ACSL4: variants seen among roughly 807,000 people sequenced by gnomAD.
ACSL4 encodes the protein acyl-CoA synthetase long chain family member 4.
Under a neutral mutation model 49.1 loss-of-function variants are expected in ACSL4, and 9 were observed. The ratio of observed to expected loss-of-function variants is 0.18; its 90% CI spans 0.11 to 0.32. The LOEUF is 0.32. ACSL4 is among the 10% of genes least tolerant of loss of function. The pLI, the probability that ACSL4 is intolerant of heterozygous loss-of-function variation, is 1.00. For missense variants in ACSL4, 333 were observed against 493.7 expected (o/e 0.67, Z 3.08); for synonymous variants, 191 against 170.3 (o/e 1.12, Z -0.95).
At chrX:109,718,785 C>A (rs1210553490) in intron 1 of ACSL4, among the ~76,000 whole-genome samples, 1 of 109,930 alleles carries the variant, frequency 9.1e-6, no homozygotes, top group Non-Finnish European at 1.9e-5. Flanking sequence ...GAAAAGAAAT[C>A]CCATAGTCTA....
intron 6 of ACSL4, among the ~76,000 whole-genome samples, chrX:109,680,284 A>G (rs1569427947): frequency 1.8e-5 from 2 of 111,847 alleles, no homozygotes; most frequent in South Asian, 7.6e-4. Context: ...CACATGGCAG[A>G]TGTGTATAAT....
chrX:109,665,912 T>C (rs1922594345), intron 11 of ACSL4, among the ~76,000 whole-genome samples: 1 of 112,012 alleles, frequency 8.9e-6, no homozygotes, highest in Non-Finnish European at 1.9e-5. Context: ...TACAGGGATA[T>C]GCTGTGAGGA....
At chrX:109,680,180 A>C (rs1924052130) in intron 6 of ACSL4, among the ~76,000 whole-genome samples, 2 of 111,470 alleles carry the variant, frequency 1.8e-5, no homozygotes, top group Admixed American at 1.9e-4. Context: ...ACTGTCCCTC[A>C]TCTCAGACCC....
At chrX:109,653,722 G>T (rs1262148992) in intron 15 of ACSL4, among the ~76,000 whole-genome samples, 2 of 109,072 alleles carry the variant, frequency 1.8e-5, no homozygotes, top group Non-Finnish European at 3.8e-5. Flanking sequence ...ACCAAACACC[G>T]CATGTTCTCA....
chrX:109,702,871 A>C (rs1926075942), intron 1 of ACSL4, among the ~76,000 whole-genome samples: 1 of 111,487 alleles, frequency 9.0e-6, no homozygotes, highest in Non-Finnish European at 1.9e-5. Context: ...TACTAATATA[A>C]ATGAACAATC....
intron 1 of ACSL4, among the ~76,000 whole-genome samples, chrX:109,730,612 G>A (rs4893538): frequency 9.0e-6 from 1 of 111,448 alleles, no homozygotes; most frequent in South Asian, 3.7e-4. Context: ...CCTGACATAC[G>A]TGACAGATGA....
chrX:109,724,301 G>T (rs2147551206), intron 1 of ACSL4, among the ~76,000 whole-genome samples: 1 of 110,889 alleles, frequency 9.0e-6, no homozygotes, highest in South Asian at 3.8e-4. Flanking sequence ...CTGAGACAGG[G>T]TTTTGCTCTG....
At chrX:109,684,828 G>A (rs1040976836) in intron 2 of ACSL4, among the ~76,000 whole-genome samples, 6 of 110,950 alleles carry the variant, frequency 5.4e-5, no homozygotes, top group Admixed American at 4.8e-4. Context: ...AAAAAGATAC[G>A]AAGGTGGGAA....
chrX:109,706,226 C>T (rs2147506555), intron 1 of ACSL4, among the ~76,000 whole-genome samples: 1 of 112,261 alleles, frequency 8.9e-6, no homozygotes, highest in East Asian at 2.8e-4. Context: ...GTTCCCCCCA[C>T]TCCATGACTA....
intron 15 of ACSL4, among the ~76,000 whole-genome samples, chrX:109,658,935 C>T (rs1921934489): frequency 8.9e-6 from 1 of 112,288 alleles, no homozygotes; most frequent in Non-Finnish European, 1.9e-5. Flanking sequence ...AGCAGATTTT[C>T]TCCAATTGGT....
chrX:109,648,276 TA>T (rs1934829087), intron 15 of ACSL4, among the ~76,000 whole-genome samples: 1 of 111,547 alleles, frequency 9.0e-6, no homozygotes, highest in Admixed American at 9.5e-5. Flanking sequence ...AAATCCTCAA[TA>T]AAATACTGGC....
At chrX:109,718,877 T>C (rs1457296947) in intron 1 of ACSL4, among the ~76,000 whole-genome samples, 1 of 111,899 alleles carries the variant, frequency 8.9e-6, no homozygotes, top group African/African-American at 3.2e-5. Context: ...ACACTCTGGC[T>C]ATAGACTCTA....
chrX:109,648,025 G>C (rs750428855), intron 15 of ACSL4, among the ~76,000 whole-genome samples: 1 of 111,600 alleles, frequency 9.0e-6, no homozygotes, highest in South Asian at 3.7e-4. Context: ...AATTGAGGCA[G>C]TAATTAATAG....
rs1396612647 is a variant in ACSL4, at chrX:109,701,616, G to T, written c.-65-5420C>A. 1.6e-4 allele frequency among the ~76,000 whole-genome samples: 16 copies of T among 99,155 alleles called. 1 individual carries two copies. Among genetic ancestry groups the T allele is most frequent in the African/African-American group, 6.0e-4 (16 of 26,670 alleles). The allele number at this position is 99,155 out of a possible 115,157, so 86.1% of individuals were successfully genotyped here. A position where few individuals can be genotyped will look rare whatever the true frequency, so the allele number is the denominator to read the frequency against. ...GCTGGAGTGCAGTGGCATGATCTCG[G>T]CTCACTGCAACCTCCGCCTCACGGT... is the stretch of plus-strand genomic sequence containing the variant. On this transcript the variant is annotated intron_variant, in intron 1 of 15. Coordinates refer to ENST00000672401, the MANE Select transcript of ACSL4 (RefSeq NM_001318510.2).
chrX:109,673,042 A>G (rs1384089531), intron 9 of ACSL4, among the ~76,000 whole-genome samples: 1 of 112,010 alleles, frequency 8.9e-6, no homozygotes, highest in Non-Finnish European at 1.9e-5. Flanking sequence ...CAAGACACAA[A>G]GTAAAGCAGG....
intron 1 of ACSL4, among the ~76,000 whole-genome samples, chrX:109,714,142 G>A (rs923277708): frequency 9.0e-6 from 1 of 111,620 alleles, no homozygotes; most frequent in Non-Finnish European, 1.9e-5. Context: ...TGTAGGCCTC[G>A]GCTAATGTTT....
chrX:109,689,802 T>C (rs1248495812), intron 2 of ACSL4, among the ~76,000 whole-genome samples: 2 of 112,178 alleles, frequency 1.8e-5, no homozygotes, highest in South Asian at 3.7e-4. Context: ...TTATTTTTCA[T>C]GTTTACTGTC....
At chrX:109,687,991 T>G (rs1924742091) in intron 2 of ACSL4, among the ~76,000 whole-genome samples, 1 of 111,572 alleles carries the variant, frequency 9.0e-6, no homozygotes, top group South Asian at 3.8e-4. Flanking sequence ...ATGACTGTGT[T>G]GAGTGTCTCA....
chrX:109,680,978 G>A lies in ACSL4; in HGVS notation c.655+20C>T, dbSNP rs1234415240. On this transcript the variant is annotated intron_variant, in intron 6 of 15. Transcript: ENST00000672401. ...AAACTTGGAATAGGTAAATAAAATT[G>A]TTTTTACTGCTTTACTTACAGTTTT... 4 of 1,203,241 alleles carry A rather than the reference G, an allele frequency of 3.3e-6. No homozygotes were observed. The highest frequency in any genetic ancestry group is 4.5e-6 in the Non-Finnish European group (4 of 890,604).
Sources: allele counts gnomAD v4.1 joint callset (sites outside exome capture counted in the v4.1 genomes callset), GRCh38; gene constraint gnomAD v4.1.1; transcripts MANE v1.5; gene names NCBI Gene and HGNC (gene_info 2026-07-23, HGNC 2026-07-21).